The following MAP4K3 variants were observed in gnomAD, a reference collection of about 807,000 sequenced individuals.
MAP4K3 encodes the protein mitogen-activated protein kinase kinase kinase kinase 3, also known as MAPK/ERK kinase kinase kinase 3.
MAP4K3 carries 94 observed loss-of-function variants against 143.5 expected under a neutral mutation model. The observed-to-expected ratio is 0.65, with a 90% CI of 0.55 to 0.78. MAP4K3 has a LOEUF of 0.78. Ranked by LOEUF, MAP4K3 falls within the 30% of genes least tolerant of loss-of-function variation. The pLI, the probability that MAP4K3 is intolerant of heterozygous loss-of-function variation, is 0.00. For missense variants in MAP4K3, 1,077 were observed against 1,068.1 expected (o/e 1.01, Z -0.12); for synonymous variants, 416 against 347.2 (o/e 1.20, Z -2.20).
At chr2:39,291,227 C>T (rs1222362300) in intron 18 of MAP4K3, among the ~76,000 whole-genome samples, 3 of 152,078 alleles carry the variant, frequency 2.0e-5, no homozygotes, top group African/African-American at 2.4e-5. Context: ...CAAAACGTTA[C>T]TATGTACCAC....
At chr2:39,336,886 G>C (rs1664985142) in intron 6 of MAP4K3, 34 bp downstream of exon 6, 2 of 921,720 alleles carry the variant, frequency 2.2e-6, no homozygotes, top group Admixed American at 6.0e-5. Flanking sequence ...TAAAAATGAA[G>C]AGAGGGTTAT....
At chr2:39,414,302 T>TAA (rs1192845207) in intron 1 of MAP4K3, among the ~76,000 whole-genome samples, 1 of 152,192 alleles carries the variant, frequency 6.6e-6, no homozygotes, top group Admixed American at 6.5e-5. Context: ...ATCTTACTAC[T>TAA]AAATCCTAGT....
chr2:39,393,899 G>C (rs1386770561), intron 1 of MAP4K3, among the ~76,000 whole-genome samples: 2 of 152,146 alleles, frequency 1.3e-5, no homozygotes, highest in Admixed American at 1.3e-4. Context: ...GTGGACATGT[G>C]TAGTTCAAGT....
intron 1 of MAP4K3, among the ~76,000 whole-genome samples, chr2:39,390,328 T>A (rs7599017): frequency 0.048 from 7,335 of 152,164 alleles, 295 homozygotes; most frequent in African/African-American, 0.11. Flanking sequence ...TACCAAAAAA[T>A]GAAATTTAAA....
intron 12 of MAP4K3, among the ~76,000 whole-genome samples, chr2:39,316,870 T>G (rs1226235731): frequency 6.6e-6 from 1 of 152,140 alleles, no homozygotes; most frequent in Non-Finnish European, 1.5e-5. Context: ...ACAAAGGCCA[T>G]GTAGATACAT....
intron 1 of MAP4K3, among the ~76,000 whole-genome samples, chr2:39,392,834 T>C (rs1020035714): frequency 6.6e-6 from 1 of 152,220 alleles, no homozygotes; most frequent in African/African-American, 2.4e-5. Flanking sequence ...CTTTCTGCCA[T>C]GGGATGACAC....
At chr2:39,418,386 A>G (rs970495649) in intron 1 of MAP4K3, among the ~76,000 whole-genome samples, 9 of 152,196 alleles carry the variant, frequency 5.9e-5, no homozygotes, top group African/African-American at 1.9e-4. Context: ...AACTGAATAA[A>G]TACATAAATG....
intron 12 of MAP4K3, among the ~76,000 whole-genome samples, chr2:39,319,570 T>C (rs1168386318): frequency 3.3e-5 from 5 of 152,148 alleles, no homozygotes; most frequent in African/African-American, 9.7e-5. Context: ...TCAGTGTTTT[T>C]AAAGAAAGGT....
intron 2 of MAP4K3, among the ~76,000 whole-genome samples, chr2:39,364,796 A>G (rs555641986): frequency 6.7e-6 from 1 of 149,134 alleles, no homozygotes; most frequent in Non-Finnish European, 1.5e-5. Flanking sequence ...TAAACCCAGG[A>G]GGCAGAGCTT....
chr2:39,284,134 C>G (rs1300298364), intron 21 of MAP4K3, among the ~76,000 whole-genome samples: 1 of 151,968 alleles, frequency 6.6e-6, no homozygotes, highest in African/African-American at 2.4e-5. Flanking sequence ...CTGATGTCAT[C>G]TATTTTAGCA....
intron 1 of MAP4K3, among the ~76,000 whole-genome samples, chr2:39,417,470 C>T (rs115951321): frequency 0.074 from 11,194 of 152,080 alleles, 574 homozygotes; most frequent in South Asian, 0.16. Context: ...CCACCCCCTC[C>T]GTCTCCCAAA....
chr2:39,257,476 A>G (rs1374577056), intron 31 of MAP4K3, among the ~76,000 whole-genome samples: 1 of 152,166 alleles, frequency 6.6e-6, no homozygotes, highest in East Asian at 1.9e-4. Context: ...TCTGGAGGAA[A>G]TGGGAATTCA....
chr2:39,271,758 C>G (rs1477463169), intron 26 of MAP4K3, among the ~76,000 whole-genome samples: 1 of 152,102 alleles, frequency 6.6e-6, no homozygotes, highest in Non-Finnish European at 1.5e-5. Flanking sequence ...TGCCTGGCTA[C>G]TTTTTAAAAA....
At chr2:39,412,391 G>A (rs1667255691) in intron 1 of MAP4K3, among the ~76,000 whole-genome samples, 3 of 152,022 alleles carry the variant, frequency 2.0e-5, no homozygotes, top group Admixed American at 1.3e-4. Context: ...AGAAGCTGGA[G>A]ATATAACAAG....
chr2:39,388,674 G>A (rs1666574269), intron 1 of MAP4K3, among the ~76,000 whole-genome samples: 1 of 152,150 alleles, frequency 6.6e-6, no homozygotes, highest in African/African-American at 2.4e-5. Flanking sequence ...GCCTTCACTA[G>A]AATCAAAATA....
At chr2:39,334,557 G>A (rs1386967102) in intron 6 of MAP4K3, among the ~76,000 whole-genome samples, 1 of 152,186 alleles carries the variant, frequency 6.6e-6, no homozygotes, top group Admixed American at 6.5e-5. Context: ...AAAGGAAAGA[G>A]ACTAGGAGCA....
chr2:39,334,373 G>T (rs796407380), intron 6 of MAP4K3, among the ~76,000 whole-genome samples: 1 of 151,906 alleles, frequency 6.6e-6, no homozygotes, highest in Non-Finnish European at 1.5e-5. Flanking sequence ...AAAAATACTG[G>T]GAACCCTCCT....
Position 39,280,338 on chromosome 2 carries a change from T to C in MAP4K3, c.1648A>G (p.Lys550Glu), listed in dbSNP as rs754523576. The C allele has an allele frequency of 4.4e-6, 7 of 1,604,116 alleles. No individual in the cohort carries two copies. Among genetic ancestry groups the C allele is most frequent in the Non-Finnish European group, 5.1e-6 (6 of 1,173,898 alleles). Residue 550 changes from lysine to glutamate, a missense_variant, in exon 23 of 34, where the codon AAA (lysine) becomes GAA (glutamate). This residue lies in a region of MAP4K3 where 864 missense variants were observed against 801.2 expected (regional missense o/e 1.08). Coordinates refer to ENST00000263881, the MANE Select transcript of MAP4K3 (RefSeq NM_003618.4). The stretch of plus-strand genomic sequence containing the variant: ...TTCAAGGGACACCCATTAAAAACTT[T>C]TGAAAAACATGCACCCATCTAGGGA... ...PKVHMGACFS[K>E]VFNGCPLKIH...
chr2:39,405,627 A>G (rs7595041), intron 1 of MAP4K3, among the ~76,000 whole-genome samples: 145,886 of 152,258 alleles, frequency 0.96, 70,226 homozygotes, highest in East Asian at 1. Context: ...CAACACTTTG[A>G]GAGGCTGAGA....
Sources: gnomAD v4.1 joint callset for allele counts (sites outside exome capture counted in the v4.1 genomes callset) on GRCh38, gnomAD v4.1.1 for gene constraint, gnomAD v4.1.1 regional missense constraint, MANE v1.5 for transcripts, NCBI Gene and HGNC (gene_info 2026-07-23, HGNC 2026-07-21) for gene names.